SLC16A7: variants seen among roughly 807,000 people sequenced by gnomAD.
The protein encoded by SLC16A7 is solute carrier family 16 member 7.
A neutral mutation model predicts 34.9 loss-of-function variants in SLC16A7; 33 were observed. The observed-to-expected ratio is 0.94, with a 90% CI of 0.72 to 1.26. The LOEUF (loss-of-function observed/expected upper bound fraction) is 1.26, where lower values mean the gene tolerates loss of function less well. Among genes scored for constraint, SLC16A7 ranks in the 50% most tolerant of loss-of-function variants. The pLI, the probability that SLC16A7 is intolerant of heterozygous loss-of-function variation, is 0.00. For synonymous variants in SLC16A7, 201 were observed against 206.6 expected (o/e 0.97, Z 0.23); for missense variants, 573 against 578.1 (o/e 0.99, Z 0.09).
chr12:59,775,619 A>G (rs1882687608), intron 5 of SLC16A7, 144 bp downstream of exon 5: 1 of 638,374 alleles, frequency 1.6e-6, no homozygotes, highest in East Asian at 2.8e-5. Context: ...AGGTTTTATT[A>G]TAAACTTTAA....
intron 2 of SLC16A7, among the ~76,000 whole-genome samples, chr12:59,665,519 A>G (rs1377423275): frequency 6.6e-6 from 1 of 152,010 alleles, no homozygotes; most frequent in African/African-American, 2.4e-5. Context: ...ATAGTATAAT[A>G]TTATGGTATG....
chr12:59,673,493 T>TG (rs1870058056), intron 2 of SLC16A7, among the ~76,000 whole-genome samples: 1 of 151,952 alleles, frequency 6.6e-6, no homozygotes, highest in Non-Finnish European at 1.5e-5. Flanking sequence ...TTTTTTTTTT[T>TG]TTTGGCCACA....
intron 3 of SLC16A7, among the ~76,000 whole-genome samples, chr12:59,734,690 A>G (rs1197864970): frequency 6.6e-6 from 1 of 152,248 alleles, no homozygotes; most frequent in African/African-American, 2.4e-5. Flanking sequence ...CTCTGCTGCC[A>G]TTAGGACCAA....
At chr12:59,649,341 G>A (rs561166337) in intron 1 of SLC16A7, among the ~76,000 whole-genome samples, 3 of 152,172 alleles carry the variant, frequency 2.0e-5, no homozygotes, top group Non-Finnish European at 4.4e-5. Flanking sequence ...TGCGAAAGAG[G>A]ATTAGTGATT....
intron 3 of SLC16A7, among the ~76,000 whole-genome samples, chr12:59,740,751 G>C (rs542233656): frequency 2.0e-5 from 3 of 152,106 alleles, no homozygotes; most frequent in South Asian, 4.1e-4. Flanking sequence ...TATTCAGTTA[G>C]GAAAAGAGGA....
At chr12:59,676,572 C>T (rs1446541812) in intron 2 of SLC16A7, among the ~76,000 whole-genome samples, 1 of 152,022 alleles carries the variant, frequency 6.6e-6, no homozygotes, top group East Asian at 1.9e-4. Context: ...ACAGCCCCCA[C>T]TAACAAAGTT....
chr12:59,759,801 A>G (rs749556780), intron 3 of SLC16A7, among the ~76,000 whole-genome samples: 5 of 152,166 alleles, frequency 3.3e-5, no homozygotes, highest in South Asian at 2.1e-4. Context: ...ATTAAAGGCT[A>G]TCTTTTCTGT....
intron 1 of SLC16A7, among the ~76,000 whole-genome samples, chr12:59,605,013 A>ATTTTTG (rs1878870891): frequency 6.6e-6 from 1 of 151,844 alleles, no homozygotes; most frequent in Non-Finnish European, 1.5e-5. Flanking sequence ...CGCCCGGCTA[A>ATTTTTG]TTTTTGTTTT....
chr12:59,701,322 G>A (rs1872851157), intron 2 of SLC16A7, among the ~76,000 whole-genome samples: 1 of 150,744 alleles, frequency 6.6e-6, no homozygotes, highest in South Asian at 2.1e-4. Context: ...GTGTTACAGA[G>A]TAAATGATGG....
rs1467299099 is a variant in SLC16A7, at chr12:59,760,696, G to A, written c.218-10523G>A. The stretch of plus-strand genomic sequence containing the variant: ...AACTAATGGGCAGGTAATCTATACA[G>A]CGTGAATACACAGGGCAAAGGAAGG... On this transcript the variant is annotated intron_variant, in intron 3 of 5. Coordinates refer to ENST00000547379, the MANE Select transcript of SLC16A7 (RefSeq NM_001270623.2). Among the ~76,000 whole-genome samples the A allele has an allele frequency of 1.3e-5, 2 of 151,966 alleles. 1 individual carries two copies. The highest frequency in any genetic ancestry group is 2.9e-5 in the Non-Finnish European group (2 of 67,982).
chr12:59,716,027 T>C (rs879336536), intron 3 of SLC16A7, among the ~76,000 whole-genome samples: 3 of 152,222 alleles, frequency 2.0e-5, no homozygotes, highest in Admixed American at 2.0e-4. Context: ...GCAATAATAA[T>C]TACACTTAGA....
chr12:59,614,418 T>G (rs1485710151), intron 1 of SLC16A7, among the ~76,000 whole-genome samples: 5 of 152,148 alleles, frequency 3.3e-5, no homozygotes, highest in African/African-American at 9.6e-5. Context: ...TCAAACGAAG[T>G]GTTTTGTATG....
chr12:59,755,988 C>A (rs535834914), intron 3 of SLC16A7, among the ~76,000 whole-genome samples: 2 of 152,186 alleles, frequency 1.3e-5, no homozygotes, highest in Non-Finnish European at 2.9e-5. Context: ...ACAAACCTGA[C>A]AAAAACAAGC....
chr12:59,626,491 T>C (rs1008682693), intron 1 of SLC16A7, among the ~76,000 whole-genome samples: 1 of 151,792 alleles, frequency 6.6e-6, no homozygotes, highest in Non-Finnish European at 1.5e-5. Context: ...TATAATTCTC[T>C]CCATTTGACA....
At position 59,784,325 on chromosome 12, in the gene SLC16A7, G is replaced by C. The variant is rs554668063; in HGVS notation, c.*4646G>C. The C allele has an allele frequency of 6.6e-6, 1 of 152,034 alleles. No homozygotes were observed. Among genetic ancestry groups the C allele is most frequent in the South Asian group, 2.1e-4 (1 of 4,814 alleles). 9.4% of individuals were successfully genotyped at this position (152,034 alleles called of 1,614,324 possible). The stretch of plus-strand genomic sequence containing the variant: ...AGTTGAGGCTTCAGTGAGCTATAAT[G>C]GCCCCACTTGCAGTCCAGCCTAGGC... On this transcript the variant is annotated 3_prime_UTR_variant, in exon 6 of 6. Transcript: ENST00000547379.
At chr12:59,597,276 A>G (rs919326985) in intron 1 of SLC16A7, 1 of 150,514 alleles carries the variant, frequency 6.6e-6, no homozygotes, top group East Asian at 1.9e-4. Flanking sequence ...CACACGAGAC[A>G]TAGAAGAGGA....
chr12:59,640,667 CT>C (rs1880643413), intron 1 of SLC16A7, among the ~76,000 whole-genome samples: 1 of 151,724 alleles, frequency 6.6e-6, no homozygotes, highest in Non-Finnish European at 1.5e-5. Context: ...TGATTTTTTC[CT>C]TTTTTACCAT....
intron 1 of SLC16A7, among the ~76,000 whole-genome samples, chr12:59,645,456 C>A (rs1480743045): frequency 6.6e-6 from 1 of 152,116 alleles, no homozygotes; most frequent in African/African-American, 2.4e-5. Flanking sequence ...GGGCTTTCCC[C>A]TTTGCTTGTG....
At chr12:59,766,926 C>T (rs1042864729) in intron 3 of SLC16A7, among the ~76,000 whole-genome samples, 3 of 151,986 alleles carry the variant, frequency 2.0e-5, no homozygotes, top group Admixed American at 2.0e-4. Flanking sequence ...CTCCTTGTAC[C>T]TCTGGTAGAA....
Sources: allele counts gnomAD v4.1 joint callset (sites outside exome capture counted in the v4.1 genomes callset), GRCh38; gene constraint gnomAD v4.1.1; transcripts MANE v1.5; gene names NCBI Gene and HGNC (gene_info 2026-07-23, HGNC 2026-07-21).